COTL1: variants seen among roughly 807,000 people sequenced by gnomAD.
The protein encoded by COTL1 is coactosin like F-actin binding protein 1.
In COTL1, 15 loss-of-function variants were observed where a neutral mutation model predicts 16.5. The ratio of observed to expected loss-of-function variants is 0.91; its 90% CI spans 0.61 to 1.40. The LOEUF is 1.40. Ranked by LOEUF, COTL1 falls within the 40% of genes most tolerant of loss-of-function variation. COTL1 has a pLI of 0.00. For synonymous variants in COTL1, 112 were observed against 85.3 expected, an observed-to-expected ratio of 1.31 and a Z score of -1.73; for missense variants, 220 against 201.5, an observed-to-expected ratio of 1.09 and a Z score of -0.56.
Position 84,617,839 on chromosome 16 carries a change from A to G in COTL1, c.76T>C (p.Trp26Arg). The G allele has an allele frequency of 1.3e-6, 2 of 1,571,710 alleles. No individual in the cohort carries two copies. Among genetic ancestry groups the G allele is most frequent in the Non-Finnish European group, 1.7e-6 (2 of 1,159,646 alleles). Residue 26 changes from tryptophan (W) to arginine (R), a missense_variant and splice_region_variant, in exon 1 of 4, where the codon TGG (tryptophan) becomes CGG (arginine). Coordinates refer to ENST00000262428, the MANE Select transcript of COTL1 (RefSeq NM_021149.5). Reference sequence around the variant, plus strand: ...TGGAGACGAATGAAAAGTTCCTACCAGATGACGGCCGAGCCGTCGTCGCGC... The same window carrying G: ...TGGAGACGAATGAAAAGTTCCTACCGGATGACGGCCGAGCCGTCGTCGCGC... ...LVRDDGSAVI[W>R]VTFKYDGSTI...
chr16:84,590,555 G>C lies in COTL1; in HGVS notation c.161-293C>G, dbSNP rs968933278. On this transcript the variant is annotated intron_variant, in intron 2 of 3. Coordinates refer to ENST00000262428, the MANE Select transcript of COTL1 (RefSeq NM_021149.5). The surrounding 1 kb of genome is among the most constrained non-coding windows in gnomAD (Gnocchi z 5.5). Reference sequence around the variant, plus strand: ...TTTCAAGGTTGTGAGGGAATTCAAGGTCATGCTGGGATTTAAACCCAGGCC... The same window carrying C: ...TTTCAAGGTTGTGAGGGAATTCAAGCTCATGCTGGGATTTAAACCCAGGCC... 51 of 259,054 alleles carry C rather than the reference G, an allele frequency of 2.0e-4. No individual in the cohort carries two copies. Among genetic ancestry groups the C allele is most frequent in the African/African-American group, 1.1e-3 (51 of 45,232 alleles). 16.0% of individuals were successfully genotyped at this position (259,054 alleles called of 1,614,324 possible). A position where few individuals can be genotyped will look rare whatever the true frequency, so the allele number is the denominator to read the frequency against.
chr16:84,577,893 C>T lies in COTL1; in HGVS notation c.319-10938G>A, dbSNP rs1029950243. Among the ~76,000 whole-genome samples the T allele has an allele frequency of 7.9e-5, 12 of 152,308 alleles. No individual in the cohort carries two copies. In the South Asian group the frequency reaches 8.3e-4, roughly 11 times the overall value. On this transcript the variant is annotated intron_variant, in intron 3 of 3. Coordinates refer to ENST00000262428, the MANE Select transcript of COTL1 (RefSeq NM_021149.5). ...TCTGTGACCCCGACAGGGCCCCTGACCTCTTCAGCATTTGGGCAACTGCCT... is the reference window on the plus strand; with the variant it reads ...TCTGTGACCCCGACAGGGCCCCTGATCTCTTCAGCATTTGGGCAACTGCCT...
chr16:84,570,581 T>TATA (rs1446209759), intron 3 of COTL1, among the ~76,000 whole-genome samples: 1 of 151,774 alleles, frequency 6.6e-6, no homozygotes, highest in Non-Finnish European at 1.5e-5. Flanking sequence ...AACAAAAGTA[T>TATA]ATACAAAAGC....
chr16:84,578,890 C>G (rs988335556), intron 3 of COTL1, among the ~76,000 whole-genome samples: 1 of 151,702 alleles, frequency 6.6e-6, no homozygotes, highest in Non-Finnish European at 1.5e-5. Flanking sequence ...TACACACAGA[C>G]GCATGCACAC....
chr16:84,613,823 G>A (rs556305236), intron 2 of COTL1, among the ~76,000 whole-genome samples: 1 of 152,280 alleles, frequency 6.6e-6, no homozygotes, highest in South Asian at 2.1e-4. Context: ...GAGTGGGGCT[G>A]CCCCGCCCCC....
intron 2 of COTL1, among the ~76,000 whole-genome samples, chr16:84,592,667 C>T (rs975676652): frequency 5.3e-5 from 8 of 152,054 alleles, no homozygotes; most frequent in Middle Eastern, 3.4e-3. Flanking sequence ...GAGTCCCGCA[C>T]GAAGCATGTA....
intron 3 of COTL1, among the ~76,000 whole-genome samples, chr16:84,582,606 G>C (rs934116301): frequency 1.3e-5 from 2 of 152,162 alleles, no homozygotes; most frequent in Non-Finnish European, 2.9e-5. Flanking sequence ...CTAGACCATA[G>C]TAGATACAGA....
At chr16:84,601,052 C>G (rs74036339) in intron 2 of COTL1, among the ~76,000 whole-genome samples, 4,319 of 152,182 alleles carry the variant, frequency 0.028, 191 homozygotes, top group African/African-American at 0.099. Flanking sequence ...CTCTGAGGAC[C>G]TTATTACAGT....
chr16:84,584,898 C>A (rs1169493466), intron 3 of COTL1, among the ~76,000 whole-genome samples: 3 of 152,164 alleles, frequency 2.0e-5, no homozygotes, highest in Non-Finnish European at 4.4e-5. Context: ...TGCCCAAGGC[C>A]ACACAGTAAG....
intron 3 of COTL1, chr16:84,567,370 T>G (rs1245351283): frequency 6.3e-6 from 1 of 157,762 alleles, no homozygotes; most frequent in East Asian, 1.9e-4. Context: ...GTGCAGGCAC[T>G]CCAAAAAAAA....
intron 3 of COTL1, among the ~76,000 whole-genome samples, chr16:84,583,208 G>C (rs1457049041): frequency 6.6e-6 from 1 of 152,198 alleles, no homozygotes; most frequent in Non-Finnish European, 1.5e-5. Flanking sequence ...AAGTTACTCA[G>C]CTTCTTCGGA....
In COTL1 at chr16:84,590,579, C is replaced by T. The variant is rs979021992; in HGVS notation, c.161-317G>A. On this transcript the variant is annotated intron_variant, in intron 2 of 3. Coordinates refer to ENST00000262428, the MANE Select transcript of COTL1 (RefSeq NM_021149.5). This position sits in a 1 kb window ranked among gnomAD's most constrained non-coding sequence, Gnocchi z 5.5. ...GGTCATGCTGGGATTTAAACCCAGG[C>T]CTTTCTGGCTGCAACGCCTACAGCC... is the stretch of plus-strand genomic sequence containing the variant. The T allele has an allele frequency of 4.7e-6, 1 of 213,214 alleles. No homozygotes were observed. Among genetic ancestry groups the T allele is most frequent in the African/African-American group, 2.3e-5 (1 of 43,644 alleles). 13.2% of individuals were successfully genotyped at this position (213,214 alleles called of 1,614,324 possible). A position where few individuals can be genotyped will look rare whatever the true frequency, so the allele number is the denominator to read the frequency against.
At chr16:84,582,145 C>A (rs1020466070) in intron 3 of COTL1, among the ~76,000 whole-genome samples, 1 of 151,832 alleles carries the variant, frequency 6.6e-6, no homozygotes, top group Admixed American at 6.6e-5. Context: ...CAGGCACATG[C>A]CACCATATCC....
intron 3 of COTL1, among the ~76,000 whole-genome samples, chr16:84,578,224 G>A (rs1336285700): frequency 1.3e-5 from 2 of 152,100 alleles, no homozygotes; most frequent in African/African-American, 4.8e-5. Flanking sequence ...TCAAAACTGT[G>A]CCCAGCATTT....
intron 3 of COTL1, among the ~76,000 whole-genome samples, chr16:84,573,251 C>CCGGGTATA (rs895392324): frequency 5.3e-5 from 8 of 152,266 alleles, no homozygotes; most frequent in African/African-American, 1.7e-4. Context: ...TGTGTGCCCT[C>CCGGGTATA]CGGGTATACG....
rs1316409165 is a variant in COTL1, at chr16:84,591,832, T to TAAAAC, written c.161-1571_161-1570insGTTTT. On this transcript the variant is annotated intron_variant, in intron 2 of 3. Coordinates refer to ENST00000262428, the MANE Select transcript of COTL1 (RefSeq NM_021149.5). Reference sequence around the variant, plus strand: ...AACTGAGACCCTGTCTCAAATAAAATAAAATAAAATAAAATAAAATAAAAT... The same window carrying TAAAAC: ...AACTGAGACCCTGTCTCAAATAAAATAAAACAAAATAAAATAAAATAAAATAAAAT... 9.7e-3 allele frequency among the ~76,000 whole-genome samples: 862 copies of TAAAAC among 89,082 alleles called. 14 individuals are homozygous for TAAAAC. The highest frequency in any genetic ancestry group is 0.024 in the Admixed American group (198 of 8,366). 58.4% of individuals were successfully genotyped at this position (89,082 alleles called of 152,430 possible).
At chr16:84,605,891 G>A (rs566036579) in intron 2 of COTL1, among the ~76,000 whole-genome samples, 2 of 152,318 alleles carry the variant, frequency 1.3e-5, no homozygotes, top group Admixed American at 6.5e-5. Context: ...AATGACCCTG[G>A]CTAATGCCTG....
rs142741947 is a variant in COTL1 at position 84,589,084 on chromosome 16, C to T, written c.318+1021G>A. ...CTCCTGGTTTCCAGCGAACCTCCCG[C>T]CTCAGCCTCCCAAGTAGCTGGGACT... On this transcript the variant is annotated intron_variant, in intron 3 of 3. Transcript: ENST00000262428. Among the ~76,000 whole-genome samples, 336 of 152,246 alleles carry T rather than the reference C, an allele frequency of 2.2e-3. 4 individuals carry two copies. The highest frequency in any genetic ancestry group is 7.7e-3 in the African/African-American group (321 of 41,538).
At chr16:84,576,199 C>A (rs1027814482) in intron 3 of COTL1, 1 of 152,232 alleles carries the variant, frequency 6.6e-6, no homozygotes, top group African/African-American at 2.4e-5. Context: ...CTTCAGGGAA[C>A]AAGGAGGCCT....
Sources: allele counts gnomAD v4.1 joint callset (sites outside exome capture counted in the v4.1 genomes callset), GRCh38; gene constraint gnomAD v4.1.1; non-coding constraint Gnocchi (gnomAD v3.1); transcripts MANE v1.5; gene names NCBI Gene and HGNC (gene_info 2026-07-23, HGNC 2026-07-21).